The following AASS variants were observed in gnomAD, a reference collection of about 807,000 sequenced individuals.
AASS encodes alpha-aminoadipic semialdehyde synthase, mitochondrial.
Under a neutral mutation model 105.4 loss-of-function variants are expected in AASS, and 86 were observed. The observed-to-expected ratio is 0.82, with a 90% CI of 0.69 to 0.98. AASS has a LOEUF of 0.98. AASS is among the 50% of genes least tolerant of loss of function. AASS has a pLI of 0.00. For missense variants in AASS, 1,048 were observed against 1,143.2 expected (o/e 0.92, Z 1.20); for synonymous variants, 381 against 394.8 (o/e 0.96, Z 0.41).
At chr7:122,130,903 A>G (rs1422015935) in intron 2 of AASS, among the ~76,000 whole-genome samples, 1 of 151,952 alleles carries the variant, frequency 6.6e-6, no homozygotes, top group Non-Finnish European at 1.5e-5. Context: ...ACTTACATAG[A>G]GCAATGTTCA....
intron 19 of AASS, 91 bp downstream of exon 19, chr7:122,085,921 C>A: frequency 1.4e-6 from 2 of 1,459,254 alleles, no homozygotes; most frequent in Non-Finnish European, 1.9e-6. Context: ...GGTTTATCAT[C>A]TTAATTATTT....
intron 18 of AASS, among the ~76,000 whole-genome samples, chr7:122,086,877 T>C (rs1014674067): frequency 6.6e-6 from 1 of 152,200 alleles, no homozygotes; most frequent in African/African-American, 2.4e-5. Flanking sequence ...TCAGTACTTC[T>C]CTTTCCCATA....
At chr7:122,098,680 T>TAA in intron 14 of AASS, 65 bp downstream of exon 14, 1 of 1,590,968 alleles carries the variant, frequency 6.3e-7, no homozygotes. Context: ...AGTAGTCTTC[T>TAA]AAAATGTAGA....
rs1201312182 is a variant in AASS, at chr7:122,126,692, C to T, written c.388-233G>A. Among the ~76,000 whole-genome samples, 6 of 152,118 alleles carry T rather than the reference C, an allele frequency of 3.9e-5. No individual in the cohort carries two copies. In the South Asian group the frequency reaches 6.2e-4, roughly 16 times the overall value. ...ATGTTTGTAGCAGGTGCTATACCCC[C>T]CTTGATGGTAAGCAATGAAATAATA... On this transcript the variant is annotated intron_variant, in intron 3 of 23. Transcript: ENST00000417368.
Position 122,116,894 on chromosome 7 carries a change from CT to C in AASS, c.750del (p.Val251PhefsTer15), listed in dbSNP as rs747180922. The C allele has an allele frequency of 6.2e-7, 1 of 1,613,990 alleles. No homozygotes were observed. Among genetic ancestry groups the C allele is most frequent in the Non-Finnish European group, 8.5e-7 (1 of 1,179,962 alleles). On this transcript the variant is annotated frameshift_variant, in exon 7 of 24. Transcript: ENST00000417368. LOFTEE classifies it high-confidence loss of function. ...TGTCCCTTACCTCCAGTTTGGGAAA[CT>C]TCTTTTAATTCATGGGGCTCCACAT... ...CEYVEPHELKEVSQTGDLRKV... is the reference protein window; with the variant it reads ...CEYVEPHELKXVSQTGDLRKV...
chr7:122,116,625 A>G lies in AASS; in HGVS notation c.894+8T>C. On this transcript the variant is annotated splice_region_variant and intron_variant, in intron 8 of 23. Transcript: ENST00000417368. ...GCAACCAACTTAAAAGGTGAATATG[A>G]TACTCACATCAGTATTAAAACGACT... The G allele has an allele frequency of 6.2e-7, 1 of 1,614,036 alleles. No individual in the cohort carries two copies. Among genetic ancestry groups the G allele is most frequent in the Non-Finnish European group, 8.5e-7 (1 of 1,179,970 alleles).
chr7:122,088,658 T>C (rs1307300222), intron 18 of AASS, among the ~76,000 whole-genome samples: 2 of 151,932 alleles, frequency 1.3e-5, no homozygotes, highest in Non-Finnish European at 2.9e-5. Flanking sequence ...TTCCAAAGGG[T>C]TGGGTGCTGC....
chr7:122,120,917 A>G (rs767725625), intron 4 of AASS, among the ~76,000 whole-genome samples: 31 of 152,098 alleles, frequency 2.0e-4, no homozygotes, highest in Non-Finnish European at 4.0e-4. Flanking sequence ...TACATACTGT[A>G]TGATTTCAGA....
At chr7:122,131,390 G>T (rs1795910850) in intron 2 of AASS, among the ~76,000 whole-genome samples, 1 of 150,584 alleles carries the variant, frequency 6.6e-6, no homozygotes, top group Non-Finnish European at 1.5e-5. Context: ...CTTACTATTA[G>T]TTGTAATAAT....
intron 15 of AASS, 25 bp from the exon 16 acceptor site, chr7:122,093,183 A>G: frequency 6.6e-7 from 1 of 1,524,316 alleles, no homozygotes; most frequent in Non-Finnish European, 9.1e-7. Context: ...GAAACTAATC[A>G]GAAACTCCCT....
intron 19 of AASS, among the ~76,000 whole-genome samples, chr7:122,085,053 A>G (rs1245100982): frequency 6.6e-6 from 1 of 152,222 alleles, no homozygotes; most frequent in Non-Finnish European, 1.5e-5. Context: ...TATGAAATCA[A>G]CCTGGATTTA....
chr7:122,142,841 T>A (rs1271497149), intron 1 of AASS, among the ~76,000 whole-genome samples: 1 of 152,170 alleles, frequency 6.6e-6, no homozygotes, highest in African/African-American at 2.4e-5. Context: ...TTTCCAAAAT[T>A]CCGAACCAAG....
chr7:122,074,161 A>G lies in AASS; in HGVS notation c.*2328T>C, dbSNP rs1000637779. On this transcript the variant is annotated 3_prime_UTR_variant, in exon 24 of 24. Coordinates refer to ENST00000417368, the MANE Select transcript of AASS (RefSeq NM_005763.4). ...CACTTGATATTATCACTTTGATTAT[A>G]TATCTATTCCAGTGAGTGTTAAGTG... Among the ~76,000 whole-genome samples the G allele has an allele frequency of 1.6e-4, 24 of 152,214 alleles. No individual in the cohort carries two copies. Among genetic ancestry groups the G allele is most frequent in the African/African-American group, 5.1e-4 (21 of 41,460 alleles).
chr7:122,132,748 T>C (rs1795967106), intron 2 of AASS, among the ~76,000 whole-genome samples: 1 of 152,182 alleles, frequency 6.6e-6, no homozygotes, highest in Admixed American at 6.5e-5. Flanking sequence ...AACCAGATTA[T>C]TCGTGCCCAG....
intron 21 of AASS, chr7:122,079,253 G>A: frequency 1.5e-6 from 2 of 1,356,836 alleles, no homozygotes; most frequent in Non-Finnish European, 9.5e-7. Context: ...CCAACATTAG[G>A]TATACCAGCA....
At chr7:122,098,653 T>C in intron 14 of AASS, 77 bp from the exon 15 acceptor site, 1 of 1,584,748 alleles carries the variant, frequency 6.3e-7, no homozygotes. Context: ...AAATAAATTT[T>C]CAAATTTCAG....
Position 122,136,632 on chromosome 7 carries a change from C to T in AASS, c.-15-2891G>A, listed in dbSNP as rs114279916. Among the ~76,000 whole-genome samples the T allele has an allele frequency of 3.4e-4, 52 of 152,218 alleles. 1 individual carries two copies. The highest frequency in any genetic ancestry group is 1.2e-3 in the African/African-American group (51 of 41,530). ...CCTCAGTTTCTAATAAAACCAATTC[C>T]AAAGATAGTGATTCCTTTGAACATA... On this transcript the variant is annotated intron_variant, in intron 1 of 23. Transcript: ENST00000417368.
intron 11 of AASS, among the ~76,000 whole-genome samples, chr7:122,107,301 A>G (rs1436106981): frequency 6.6e-6 from 1 of 152,194 alleles, no homozygotes; most frequent in African/African-American, 2.4e-5. Flanking sequence ...AGTAAAAATC[A>G]GTTCAACCAT....
chr7:122,113,775 A>C (rs1795041646), intron 9 of AASS, 55 bp from the exon 10 acceptor site: 1 of 1,596,800 alleles, frequency 6.3e-7, no homozygotes, highest in African/African-American at 1.3e-5. Context: ...GTCTCCAACA[A>C]GACTAAAAAA....
Sources: gnomAD v4.1 joint callset for allele counts (sites outside exome capture counted in the v4.1 genomes callset) on GRCh38, gnomAD v4.1.1 for gene constraint, MANE v1.5 for transcripts, NCBI Gene and HGNC (gene_info 2026-07-23, HGNC 2026-07-21) for gene names.